The following SBF2 variants were observed in gnomAD, a reference collection of about 807,000 sequenced individuals.
SBF2 encodes myotubularin-related protein 13.
Under a neutral mutation model 225.2 loss-of-function variants are expected in SBF2, and 112 were observed. That is an observed-to-expected ratio of 0.50 (90% CI 0.43 to 0.58). The LOEUF is 0.58. Among genes scored for constraint, SBF2 ranks in the 20% least tolerant of loss-of-function variants. The probability of loss-of-function intolerance (pLI) is 0.00; values close to 1 mark genes in which losing one functional copy is unlikely to be tolerated. For synonymous variants in SBF2, 763 were observed against 773.3 expected (o/e 0.99, Z 0.22); for missense variants, 1,996 against 2,206.2 (o/e 0.90, Z 1.91).
intron 2 of SBF2, among the ~76,000 whole-genome samples, chr11:10,160,657 G>C (rs979280243): frequency 2.0e-5 from 3 of 151,974 alleles, no homozygotes; most frequent in Non-Finnish European, 4.4e-5. Flanking sequence ...TTTTTCATGA[G>C]AGAGAGAAAA....
chr11:9,789,012 A>G, intron 35 of SBF2, 97 bp downstream of exon 35: 1 of 1,004,418 alleles, frequency 1.0e-6, no homozygotes. Flanking sequence ...GCTCAGAGTA[A>G]GGAGAGCCAT....
chr11:10,185,613 C>G (rs1956905232), intron 2 of SBF2, among the ~76,000 whole-genome samples: 1 of 133,738 alleles, frequency 7.5e-6, no homozygotes, highest in South Asian at 2.3e-4. Flanking sequence ...AGCCACTGTG[C>G]TTGGCTTTTT....
chr11:9,807,889 A>T, intron 32 of SBF2, 111 bp downstream of exon 32: 10 of 960,788 alleles, frequency 1.0e-5, no homozygotes, highest in Non-Finnish European at 1.6e-5. Flanking sequence ...TGGCTGAGTT[A>T]ATCAGAGTTA....
At chr11:9,972,183 T>C (rs1362006353) in intron 13 of SBF2, among the ~76,000 whole-genome samples, 1 of 152,158 alleles carries the variant, frequency 6.6e-6, no homozygotes, top group African/African-American at 2.4e-5. Context: ...GTAAGGAAGA[T>C]AATAATATAG....
In SBF2 at chr11:9,839,626, C is replaced by G; in HGVS notation, c.3327G>C (p.Leu1109Phe). 1 of 1,614,092 alleles carries G rather than the reference C, an allele frequency of 6.2e-7. No homozygotes were observed. The highest frequency in any genetic ancestry group is 8.5e-7 in the Non-Finnish European group (1 of 1,179,982). ...KASEKSTMEQ[L>F]VEKACFRDYQ... ...AGTCTCTGAAACAAGCTTTTTCCAC[C>G]AACTGTTCCATTGTAGACTTCTCGG... The change falls in exon 26 of 40, where the codon TTG becomes TTC. Residue 1109 changes from leucine to phenylalanine, a missense_variant. Leu to Phe is a conservative substitution (Grantham distance 22, BLOSUM62 0). Coordinates refer to ENST00000256190, the MANE Select transcript of SBF2 (RefSeq NM_030962.4).
chr11:10,215,037 C>G (rs1258830378), intron 1 of SBF2, among the ~76,000 whole-genome samples: 1 of 152,182 alleles, frequency 6.6e-6, no homozygotes, highest in Non-Finnish European at 1.5e-5. Flanking sequence ...GTGTAGGAAG[C>G]TGGCAAGCAA....
At chr11:10,157,773 A>G (rs1955542557) in intron 2 of SBF2, among the ~76,000 whole-genome samples, 1 of 152,206 alleles carries the variant, frequency 6.6e-6, no homozygotes. Flanking sequence ...AGTCCATGAA[A>G]AAACTGTCTT....
chr11:9,811,659 T>C (rs185586502), intron 30 of SBF2, among the ~76,000 whole-genome samples: 103 of 152,222 alleles, frequency 6.8e-4, no homozygotes, highest in Non-Finnish European at 6.8e-4. Flanking sequence ...TGTGGCGGCA[T>C]TTCTCTTTGG....
intron 2 of SBF2, among the ~76,000 whole-genome samples, chr11:10,142,064 A>C (rs1954672941): frequency 6.6e-6 from 1 of 152,182 alleles, no homozygotes; most frequent in Non-Finnish European, 1.5e-5. Context: ...TCTGAGAAGA[A>C]GGCAAATTAA....
chr11:10,243,819 C>T (rs1212133400), intron 1 of SBF2, among the ~76,000 whole-genome samples: 1 of 151,938 alleles, frequency 6.6e-6, no homozygotes, highest in African/African-American at 2.4e-5. Flanking sequence ...AACCAAACAA[C>T]AAAGAAAAGG....
chr11:9,784,850 G>A (rs1852266726), intron 37 of SBF2: 2 of 533,244 alleles, frequency 3.8e-6, no homozygotes, highest in South Asian at 2.1e-5. Flanking sequence ...AGTGCTGGCT[G>A]ACACATGTTC....
chr11:9,854,224 C>T (rs1419996894), intron 19 of SBF2, among the ~76,000 whole-genome samples: 9 of 152,212 alleles, frequency 5.9e-5, no homozygotes, highest in Non-Finnish European at 1.3e-4. Context: ...ACCAAACTGT[C>T]CCTTCTCTTG....
At chr11:10,129,337 C>A (rs1953919166) in intron 2 of SBF2, among the ~76,000 whole-genome samples, 1 of 117,926 alleles carries the variant, frequency 8.5e-6, no homozygotes, top group African/African-American at 3.0e-5. Context: ...CTCCTGACCT[C>A]AAGTGATCTG....
At chr11:10,112,961 C>A (rs1172601577) in intron 2 of SBF2, among the ~76,000 whole-genome samples, 3 of 152,188 alleles carry the variant, frequency 2.0e-5, no homozygotes, top group Non-Finnish European at 2.9e-5. Flanking sequence ...ACAAAACACT[C>A]TTGTATCTCA....
chr11:9,821,986 G>A (rs547861711), intron 28 of SBF2, among the ~76,000 whole-genome samples: 35 of 152,230 alleles, frequency 2.3e-4, no homozygotes, highest in African/African-American at 8.2e-4. Flanking sequence ...TGCAAATGTC[G>A]ACTTTCTTCC....
intron 17 of SBF2, among the ~76,000 whole-genome samples, chr11:9,859,680 A>G (rs979732421): frequency 1.3e-5 from 2 of 152,224 alleles, no homozygotes; most frequent in African/African-American, 4.8e-5. Context: ...GTTACACAAC[A>G]AAAGTTGGTT....
intron 3 of SBF2, among the ~76,000 whole-genome samples, chr11:10,033,919 A>T (rs1949350151): frequency 6.6e-6 from 1 of 152,170 alleles, no homozygotes; most frequent in South Asian, 2.1e-4. Context: ...TGAAAAACTT[A>T]AAAATAAGCA....
intron 1 of SBF2, among the ~76,000 whole-genome samples, chr11:10,242,819 T>C (rs1959356085): frequency 6.6e-6 from 1 of 152,062 alleles, no homozygotes; most frequent in African/African-American, 2.4e-5. Context: ...GCATGCAACA[T>C]AAAAGCTGCT....
intron 16 of SBF2, among the ~76,000 whole-genome samples, chr11:9,919,705 T>C (rs1261615846): frequency 1.3e-5 from 2 of 152,120 alleles, no homozygotes; most frequent in African/African-American, 4.8e-5. Flanking sequence ...GGCTGTCTGC[T>C]TGTGGATTTC....
Sources: gnomAD v4.1 joint callset for allele counts (sites outside exome capture counted in the v4.1 genomes callset) on GRCh38, gnomAD v4.1.1 for gene constraint, MANE v1.5 for transcripts, NCBI Gene and HGNC (gene_info 2026-07-23, HGNC 2026-07-21) for gene names.